Variants in SIPA1L3 observed in about 807,000 individuals in gnomAD.
The protein encoded by SIPA1L3 is signal induced proliferation associated 1 like 3, also known as signal-induced proliferation-associated 1-like protein 3.
Under a neutral mutation model 150.1 loss-of-function variants are expected in SIPA1L3, and 59 were observed. The ratio of observed to expected loss-of-function variants is 0.39; its 90% confidence interval spans 0.32 to 0.49. SIPA1L3 has a LOEUF of 0.49. Among genes scored for constraint, SIPA1L3 ranks in the 20% least tolerant of loss-of-function variants. The probability of loss-of-function intolerance (pLI) is 0.86; values close to 1 mark genes in which losing one functional copy is unlikely to be tolerated. For missense variants in SIPA1L3, 2,211 were observed against 2,489.5 expected (o/e 0.89, Z 2.38); for synonymous variants, 1,070 against 1,077.6 (o/e 0.99, Z 0.14).
At chr19:37,960,723 T>C (rs2046850482) in intron 1 of SIPA1L3, among the ~76,000 whole-genome samples, 1 of 151,656 alleles carries the variant, frequency 6.6e-6, no homozygotes, top group Non-Finnish European at 1.5e-5. Flanking sequence ...TCAGCTAATT[T>C]TTAAATTTTT....
rs557127663 is a variant in SIPA1L3 at position 38,126,808 on chromosome 19, T to C, written c.2869-3690T>C. On this transcript the variant is annotated intron_variant, in intron 9 of 21. Transcript: ENST00000222345. Reference sequence around the variant, plus strand: ...ACCTCAGCCTCCCAAAGTGCTGGAATTGCAGGCATGAGCCACTGTGCCCGG... The same window carrying C: ...ACCTCAGCCTCCCAAAGTGCTGGAACTGCAGGCATGAGCCACTGTGCCCGG... Among the ~76,000 whole-genome samples the C allele has an allele frequency of 5.3e-5, 8 of 152,152 alleles. No individual in the cohort carries two copies. In the East Asian group the frequency reaches 9.7e-4, roughly 18 times the overall value.
chr19:38,097,700 G>A (rs1368119762), intron 4 of SIPA1L3, among the ~76,000 whole-genome samples: 1 of 152,174 alleles, frequency 6.6e-6, no homozygotes, highest in Non-Finnish European at 1.5e-5. Context: ...GGGATTACAG[G>A]CATGCGCCAC....
chr19:38,197,904 A>C (rs1406753356), intron 18 of SIPA1L3, among the ~76,000 whole-genome samples: 1 of 74,094 alleles, frequency 1.3e-5, no homozygotes, highest in South Asian at 4.6e-4. Context: ...CGTCCCCCAC[A>C]TGCACCCAGA....
Position 38,082,027 on chromosome 19 carries a change from G to A in SIPA1L3, c.462G>A (p.Gly154=), listed in dbSNP as rs1326771203. The A allele has an allele frequency of 3.2e-5, 51 of 1,614,014 alleles. No individual in the cohort carries two copies. Among genetic ancestry groups the A allele is most frequent in the Non-Finnish European group, 3.8e-5 (45 of 1,180,018 alleles). ...CCAAAGACGTGGAGTTCCAGGACGG[G>A]TGGCCCCGGTCCCCCGGCAGGGCCT... The part of the protein sequence containing the change: ...RRSKDVEFQD[G]WPRSPGRAFL... Residue 154 remains glycine (G), a synonymous_variant, in exon 3 of 22, where the codon GGG becomes GGA. Transcript: ENST00000222345.
At chr19:37,914,237 G>A (rs555306763) in intron 1 of SIPA1L3, among the ~76,000 whole-genome samples, 5 of 152,120 alleles carry the variant, frequency 3.3e-5, no homozygotes, top group Admixed American at 6.6e-5. Context: ...TGGCTATGCC[G>A]AAAGTTGAAG....
chr19:37,920,058 A>ATTT, intron 1 of SIPA1L3, among the ~76,000 whole-genome samples: 1 of 119,612 alleles, frequency 8.4e-6, no homozygotes, highest in Admixed American at 8.5e-5. Flanking sequence ...TTGGTTTGTA[A>ATTT]TTTTTTTTTT....
chr19:37,939,877 C>T (rs1350823425), intron 1 of SIPA1L3, among the ~76,000 whole-genome samples: 3 of 152,184 alleles, frequency 2.0e-5, no homozygotes, highest in African/African-American at 7.2e-5. Flanking sequence ...CCTAGTGGAG[C>T]TGAAAGGAGC....
intron 2 of SIPA1L3, among the ~76,000 whole-genome samples, chr19:38,029,916 G>A (rs538557845): frequency 3.3e-4 from 50 of 150,136 alleles, no homozygotes; most frequent in Non-Finnish European, 6.6e-4. Context: ...GTGCAGTGGC[G>A]CCATCTCAGC....
intron 4 of SIPA1L3, among the ~76,000 whole-genome samples, chr19:38,095,955 C>A (rs1324751437): frequency 6.6e-6 from 1 of 152,180 alleles, no homozygotes; most frequent in Non-Finnish European, 1.5e-5. Flanking sequence ...TTAACTGAAA[C>A]CCACAACCCC....
intron 2 of SIPA1L3, among the ~76,000 whole-genome samples, chr19:38,055,707 G>C (rs367580367): frequency 2.6e-5 from 4 of 152,254 alleles, no homozygotes; most frequent in African/African-American, 9.6e-5. Context: ...CCCAGAGCAG[G>C]AGTGCGGGAT....
chr19:38,025,105 G>A (rs989813891), intron 1 of SIPA1L3, among the ~76,000 whole-genome samples: 2 of 152,048 alleles, frequency 1.3e-5, no homozygotes, highest in African/African-American at 2.4e-5. Flanking sequence ...ATCTGTTTCC[G>A]TCAGAAATTG....
chr19:38,045,438 C>T (rs1377527962), intron 2 of SIPA1L3, among the ~76,000 whole-genome samples: 1 of 149,780 alleles, frequency 6.7e-6, no homozygotes, highest in Non-Finnish European at 1.5e-5. Context: ...GGCAATGAAA[C>T]TATAAAGAAA....
chr19:38,161,384 G>C (rs2145978417), intron 13 of SIPA1L3, among the ~76,000 whole-genome samples: 1 of 147,896 alleles, frequency 6.8e-6, no homozygotes, highest in Non-Finnish European at 1.5e-5. Flanking sequence ...AACCAACAAA[G>C]GATTGCTACC....
chr19:38,181,818 C>T (rs916932521), intron 15 of SIPA1L3, among the ~76,000 whole-genome samples: 7 of 148,558 alleles, frequency 4.7e-5, no homozygotes, highest in Admixed American at 6.7e-5. Context: ...TGCACTCCAG[C>T]CTGGGCAACA....
intron 1 of SIPA1L3, among the ~76,000 whole-genome samples, chr19:37,983,039 G>A (rs1967240254): frequency 6.6e-6 from 1 of 152,186 alleles, no homozygotes; most frequent in Non-Finnish European, 1.5e-5. Context: ...CTTTTCATTT[G>A]TTAGTTGATC....
intron 12 of SIPA1L3, among the ~76,000 whole-genome samples, chr19:38,143,662 C>T (rs1309495839): frequency 6.6e-6 from 1 of 151,578 alleles, no homozygotes; most frequent in Non-Finnish European, 1.5e-5. Flanking sequence ...CCTCAGCCTC[C>T]CAAGTAGCTG....
At chr19:38,002,505 C>T (rs902510522) in intron 1 of SIPA1L3, among the ~76,000 whole-genome samples, 12 of 150,340 alleles carry the variant, frequency 8.0e-5, no homozygotes, top group Non-Finnish European at 1.3e-4. Flanking sequence ...GAGTCTGAGG[C>T]GGGCGGATCA....
chr19:37,975,684 A>G (rs532755641), intron 1 of SIPA1L3, among the ~76,000 whole-genome samples: 1 of 152,352 alleles, frequency 6.6e-6, no homozygotes, highest in South Asian at 2.1e-4. Context: ...AAGATGGCTA[A>G]TAAAAAATCA....
intron 1 of SIPA1L3, among the ~76,000 whole-genome samples, chr19:37,969,090 C>G (rs1406384014): frequency 2.0e-5 from 3 of 152,102 alleles, no homozygotes; most frequent in African/African-American, 7.2e-5. Context: ...AAATCCTGAC[C>G]AGGAATGGTG....
Sources: allele counts gnomAD v4.1 joint callset (sites outside exome capture counted in the v4.1 genomes callset), GRCh38; gene constraint gnomAD v4.1.1; transcripts MANE v1.5; gene names NCBI Gene and HGNC (gene_info 2026-07-23, HGNC 2026-07-21).